KIFC1: variants seen among roughly 807,000 people sequenced by gnomAD.
KIFC1 encodes kinesin family member C1.
In KIFC1, 37 loss-of-function variants were observed where a neutral mutation model predicts 66.6. The ratio of observed to expected loss-of-function variants is 0.56; its 90% CI spans 0.43 to 0.73. The LOEUF (loss-of-function observed/expected upper bound fraction) is 0.73, where lower values mean the gene tolerates loss of function less well. Among genes scored for constraint, KIFC1 ranks in the 30% least tolerant of loss-of-function variants. The pLI, the probability that KIFC1 is intolerant of heterozygous loss-of-function variation, is 0.00. For missense variants in KIFC1, 721 were observed against 859.8 expected, an observed-to-expected ratio of 0.84 and a Z score of 2.02; for synonymous variants, 325 against 343.5, an observed-to-expected ratio of 0.95 and a Z score of 0.60.
Position 33,403,580 on chromosome 6 carries a change from A to G in KIFC1, c.355+45A>G, listed in dbSNP as rs774298401. 12 of 1,604,154 alleles carry G rather than the reference A, an allele frequency of 7.5e-6. No homozygotes were observed. Among genetic ancestry groups the G allele is most frequent in the Non-Finnish European group, 9.4e-6 (11 of 1,170,934 alleles). ...ACTGGGTGAGAGGCTGGGATAGGGA[A>G]GAGAAGATGGTGAGTGACCAGAAAA... On this transcript the variant is annotated intron_variant, in intron 5 of 10. Coordinates refer to ENST00000428849, the MANE Select transcript of KIFC1 (RefSeq NM_002263.4). The surrounding 1 kb of genome is among the most constrained non-coding windows in gnomAD (Gnocchi z 4.6).
chr6:33,400,222 A>G lies in KIFC1; in HGVS notation c.250+1835A>G, dbSNP rs1433156204. 2.6e-6 allele frequency: 4 copies of G among 1,561,780 alleles called. No individual in the cohort carries two copies. Among genetic ancestry groups the G allele is most frequent in the Non-Finnish European group, 3.5e-6 (4 of 1,148,354 alleles). On this transcript the variant is annotated intron_variant, in intron 3 of 10. Transcript: ENST00000428849. The surrounding 1 kb of genome is among the most constrained non-coding windows in gnomAD (Gnocchi z 4.3). The stretch of plus-strand genomic sequence containing the variant: ...GGATCGGTGCCGCATCTGTCGAGCA[A>G]TGTTGACGATCTCATCAAAAGTGAT...
intron 1 of KIFC1, among the ~76,000 whole-genome samples, chr6:33,397,486 C>T (rs1462814098): frequency 3.3e-5 from 5 of 151,840 alleles, no homozygotes; most frequent in South Asian, 2.1e-4. Context: ...TTAGTAGAGA[C>T]GGGATTTCAC....
At position 33,406,519 on chromosome 6, in the gene KIFC1, T is replaced by C; in HGVS notation, c.1827+33T>C. On this transcript the variant is annotated intron_variant, in intron 8 of 10. Coordinates refer to ENST00000428849, the MANE Select transcript of KIFC1 (RefSeq NM_002263.4). The surrounding 1 kb of genome is among the most constrained non-coding windows in gnomAD (Gnocchi z 4.5). ...TGGGAGTGGGGTGAGATACGGGACC[T>C]GGGGGACAGTTGGGGTTGGCTGTGC... 1 of 1,609,758 alleles carries C rather than the reference T, an allele frequency of 6.2e-7. No individual in the cohort carries two copies. The highest frequency in any genetic ancestry group is 8.5e-7 in the Non-Finnish European group (1 of 1,177,202).
At position 33,405,594 on chromosome 6, in the gene KIFC1, C is replaced by T. The variant is rs1334784429; in HGVS notation, c.1499C>T (p.Thr500Ile). 6.5e-7 allele frequency: 1 copy of T among 1,544,806 alleles called. No homozygotes were observed. Among genetic ancestry groups the T allele is most frequent in the South Asian group, 1.2e-5 (1 of 82,180 alleles). ...AGPGSEELTV[T>I]NARYVPVSCE... ...CCAGGGAGTGAGGAGCTCACTGTCACCAATGCTCGATATGTCCCTGTCTCC... is the reference window on the plus strand; with the variant it reads ...CCAGGGAGTGAGGAGCTCACTGTCATCAATGCTCGATATGTCCCTGTCTCC... The change falls in exon 7 of 11, where the codon ACC (threonine) becomes ATC (isoleucine). Residue 500 changes from threonine to isoleucine, a missense_variant. By Grantham distance (89) the Thr-to-Ile change is moderately conservative. Coordinates refer to ENST00000428849, the MANE Select transcript of KIFC1 (RefSeq NM_002263.4). The surrounding 1 kb of genome is among the most constrained non-coding windows in gnomAD (Gnocchi z 5.4).
chr6:33,401,957 G>A lies in KIFC1; in HGVS notation c.251-1357G>A, dbSNP rs960467935. On this transcript the variant is annotated intron_variant, in intron 3 of 10. Coordinates refer to ENST00000428849, the MANE Select transcript of KIFC1 (RefSeq NM_002263.4). This position sits in a 1 kb window ranked among gnomAD's most constrained non-coding sequence, Gnocchi z 4.5. ...CCTGACCCCTTGATCTGCCCACCTC[G>A]GCCTCCCAAAGTGCTGGGATTACAG... Among the ~76,000 whole-genome samples the A allele has an allele frequency of 7.3e-5, 11 of 151,622 alleles. No individual in the cohort carries two copies. The highest frequency in any genetic ancestry group is 1.5e-4 in the Non-Finnish European group (10 of 67,870).
intron 1 of KIFC1, among the ~76,000 whole-genome samples, chr6:33,392,796 T>C (rs144060341): frequency 6.6e-6 from 1 of 152,188 alleles, no homozygotes; most frequent in Non-Finnish European, 1.5e-5. Flanking sequence ...CAGAGTAGTA[T>C]TATGTGACAG....
Position 33,406,065 on chromosome 6 carries a change from T to C in KIFC1, c.1537-131T>C. 2 of 811,742 alleles carry C rather than the reference T, an allele frequency of 2.5e-6. No individual in the cohort carries two copies. Among genetic ancestry groups the C allele is most frequent in the Non-Finnish European group, 3.9e-6 (2 of 515,336 alleles). 50.3% of individuals were successfully genotyped at this position (811,742 alleles called of 1,614,324 possible). On this transcript the variant is annotated intron_variant, in intron 7 of 10. Transcript: ENST00000428849. This position sits in a 1 kb window ranked among gnomAD's most constrained non-coding sequence, Gnocchi z 4.5. The stretch of plus-strand genomic sequence containing the variant: ...TTCCTTACCATTTTCAGACATACTG[T>C]GCATCTTATTTTGTTTCTTGACAGG...
At position 33,404,323 on chromosome 6, in the gene KIFC1, G is replaced by T. The variant is rs1775530106; in HGVS notation, c.756+194G>T. On this transcript the variant is annotated intron_variant, in intron 6 of 10. Coordinates refer to ENST00000428849, the MANE Select transcript of KIFC1 (RefSeq NM_002263.4). The surrounding 1 kb of genome is among the most constrained non-coding windows in gnomAD (Gnocchi z 4.0). ...CCCACTCCTGACTGTCTTGCTTTCT[G>T]CCACGCTTCTTCCTACCCTTGACTG... is the stretch of plus-strand genomic sequence containing the variant. 6.6e-6 allele frequency among the ~76,000 whole-genome samples: 1 copy of T among 152,040 alleles called. No homozygotes were observed. Among genetic ancestry groups the T allele is most frequent in the African/African-American group, 2.4e-5 (1 of 41,390 alleles).
upstream of KIFC1, chr6:33,391,753 C>T (rs1455528066): frequency 3.2e-6 from 2 of 627,172 alleles, no homozygotes; most frequent in Admixed American, 5.0e-5. Context: ...CTGCGATTGG[C>T]CCTCGGCTGT....
chr6:33,409,766 T>C lies in KIFC1; in HGVS notation c.*76T>C. 1 of 1,407,066 alleles carries C rather than the reference T, an allele frequency of 7.1e-7. No individual in the cohort carries two copies. Among genetic ancestry groups the C allele is most frequent in the South Asian group, 1.2e-5 (1 of 85,550 alleles). The allele number at this position is 1,407,066 out of a possible 1,614,324, so 87.2% of individuals were successfully genotyped here. On this transcript the variant is annotated 3_prime_UTR_variant, in exon 11 of 11. Coordinates refer to ENST00000428849, the MANE Select transcript of KIFC1 (RefSeq NM_002263.4). ...GTGTGTGTGTGTGTCCCTATGTCTA[T>C]GTATCGGGTGAGGGGTGGGAGGGTT... is the stretch of plus-strand genomic sequence containing the variant.
intron 1 of KIFC1, among the ~76,000 whole-genome samples, chr6:33,393,493 TG>T (rs1774890118): frequency 7.5e-6 from 1 of 134,152 alleles, no homozygotes; most frequent in South Asian, 2.4e-4. Flanking sequence ...CAGGCTGGAG[TG>T]CAGTGGCATG....
At chr6:33,399,138 A>G (rs1452170510) in intron 3 of KIFC1, among the ~76,000 whole-genome samples, 2 of 152,232 alleles carry the variant, frequency 1.3e-5, no homozygotes, top group South Asian at 2.1e-4. Context: ...CTGTAATCCC[A>G]GCACTTTGGG....
At position 33,409,698 on chromosome 6, in the gene KIFC1, T is replaced by C. The variant is rs746260495; in HGVS notation, c.*8T>C. ...CAGGCCAACAGGAAGTGAAGACGGA[T>C]CCAGATCTGTGTGTGTGTGTGTGTG... On this transcript the variant is annotated 3_prime_UTR_variant, in exon 11 of 11. Transcript: ENST00000428849. 1.7e-5 allele frequency: 27 copies of C among 1,587,432 alleles called. 1 individual carries two copies. The African/African-American group carries it at 2.8e-4, about 17-fold the overall frequency.
chr6:33,405,021 G>A lies in KIFC1; in HGVS notation c.926G>A (p.Gly309Asp). The A allele has an allele frequency of 6.2e-7, 1 of 1,614,150 alleles. No individual in the cohort carries two copies. The highest frequency in any genetic ancestry group is 8.5e-7 in the Non-Finnish European group (1 of 1,180,024). ...CACAACCAGCTGCAGGAACTCAAGG[G>A]CAACATCCGTGTATTCTGCCGGGTC... ...RLHNQLQELK[G>D]NIRVFCRVRP... is the part of the protein sequence containing the mutation. The change falls in exon 7 of 11, where the codon GGC (glycine) becomes GAC (aspartate). Residue 309 changes from glycine (G) to aspartate (D), a missense_variant. Coordinates refer to ENST00000428849, the MANE Select transcript of KIFC1 (RefSeq NM_002263.4). The surrounding 1 kb of genome is among the most constrained non-coding windows in gnomAD (Gnocchi z 5.4).
rs9278045 is a variant in KIFC1 at position 33,400,747 on chromosome 6, C to T, written c.250+2360C>T. Among the ~76,000 whole-genome samples the T allele has an allele frequency of 0.093, 14,155 of 152,050 alleles. 949 individuals are homozygous for T. The highest frequency in any genetic ancestry group is 0.17 in the Middle Eastern group (51 of 294). On this transcript the variant is annotated intron_variant, in intron 3 of 10. Coordinates refer to ENST00000428849, the MANE Select transcript of KIFC1 (RefSeq NM_002263.4). The surrounding 1 kb of genome is among the most constrained non-coding windows in gnomAD (Gnocchi z 4.3). Reference sequence around the variant, plus strand: ...CTGCAAGCTCCGCCTCCCGGGTTCCCGCCATTTTCCTGCCTCAGCCTTCCG... The same window carrying T: ...CTGCAAGCTCCGCCTCCCGGGTTCCTGCCATTTTCCTGCCTCAGCCTTCCG...
At chr6:33,397,894 A>G (rs1169657635) in intron 1 of KIFC1, 135 bp from the exon 2 acceptor site, 2 of 895,702 alleles carry the variant, frequency 2.2e-6, no homozygotes, top group East Asian at 2.4e-5. Context: ...TGTCTGGCAC[A>G]TAATTCAGCT....
At chr6:33,398,663 G>A (rs1429317255) in intron 3 of KIFC1, among the ~76,000 whole-genome samples, 3 of 151,800 alleles carry the variant, frequency 2.0e-5, no homozygotes, top group Admixed American at 6.6e-5. Context: ...ATGGGGTTTC[G>A]CCATGTTGGC....
In KIFC1 at chr6:33,405,048, G is replaced by T; in HGVS notation, c.953G>T (p.Arg318Leu). The T allele has an allele frequency of 6.2e-7, 1 of 1,614,068 alleles. No individual in the cohort carries two copies. The highest frequency in any genetic ancestry group is 8.5e-7 in the Non-Finnish European group (1 of 1,179,958). ...AACATCCGTGTATTCTGCCGGGTCCGCCCTGTCCTGCCGGGGGAGCCCACT... is the reference window on the plus strand; with the variant it reads ...AACATCCGTGTATTCTGCCGGGTCCTCCCTGTCCTGCCGGGGGAGCCCACT... ...KGNIRVFCRVRPVLPGEPTPP... is the reference protein window; with the variant it reads ...KGNIRVFCRVLPVLPGEPTPP... Residue 318 changes from arginine to leucine, a missense_variant, in exon 7 of 11, where the codon CGC becomes CTC. Transcript: ENST00000428849. This position sits in a 1 kb window ranked among gnomAD's most constrained non-coding sequence, Gnocchi z 5.4.
chr6:33,409,382 G>T (rs992163237), intron 10 of KIFC1, among the ~76,000 whole-genome samples: 1 of 152,014 alleles, frequency 6.6e-6, no homozygotes, highest in African/African-American at 2.4e-5. Flanking sequence ...TCTAGTACAG[G>T]GTATTGCTGG....
Sources: allele counts gnomAD v4.1 joint callset (sites outside exome capture counted in the v4.1 genomes callset), GRCh38; gene constraint gnomAD v4.1.1; non-coding constraint Gnocchi (gnomAD v3.1); transcripts MANE v1.5; gene names NCBI Gene and HGNC (gene_info 2026-07-23, HGNC 2026-07-21).